Variants in ANK2 observed in about 807,000 individuals in gnomAD.
The protein encoded by ANK2 is ankyrin-2.
In ANK2, 83 loss-of-function variants were observed where a neutral mutation model predicts 360.5. The ratio of observed to expected loss-of-function variants is 0.23; its 90% CI spans 0.19 to 0.28. ANK2 has a LOEUF of 0.28. ANK2 is among the 10% of genes least tolerant of loss of function. The pLI, the probability that ANK2 is intolerant of heterozygous loss-of-function variation, is 1.00. For missense variants in ANK2, 4,201 were observed against 4,795.7 expected, an observed-to-expected ratio of 0.88 and a Z score of 3.66; for synonymous variants, 1,740 against 1,759.5, an observed-to-expected ratio of 0.99 and a Z score of 0.28.
At chr4:112,876,395 AG>A (rs2075115914) in intron 1 of ANK2, among the ~76,000 whole-genome samples, 1 of 152,172 alleles carries the variant, frequency 6.6e-6, no homozygotes, top group Admixed American at 6.5e-5. Flanking sequence ...CACTCAAAAT[AG>A]GATAAATTAG....
intron 1 of ANK2, among the ~76,000 whole-genome samples, chr4:113,151,399 C>T (rs772705685): frequency 2.6e-5 from 4 of 152,082 alleles, no homozygotes; most frequent in Non-Finnish European, 4.4e-5. Context: ...CTTCCACTCA[C>T]GGAGGAAAGG....
chr4:112,908,758 G>A (rs1362343461), intron 2 of ANK2, among the ~76,000 whole-genome samples: 2 of 152,202 alleles, frequency 1.3e-5, no homozygotes, highest in African/African-American at 4.8e-5. Flanking sequence ...TCCTGACTTT[G>A]TAAGTCTGGC....
intron 34 of ANK2, among the ~76,000 whole-genome samples, chr4:113,343,783 T>C (rs1394078181): frequency 1.3e-5 from 2 of 152,032 alleles, no homozygotes; most frequent in African/African-American, 4.8e-5. Flanking sequence ...AAAAAGGAGG[T>C]AATAATTCTA....
chr4:112,782,176 GC>G, the ANK2 span, among the ~76,000 whole-genome samples: 1 of 152,080 alleles, frequency 6.6e-6, no homozygotes, highest in African/African-American at 2.4e-5. Flanking sequence ...ATATTGAAAT[GC>G]TTACTGATAA....
intron 2 of ANK2, among the ~76,000 whole-genome samples, chr4:112,937,437 C>T (rs568452316): frequency 6.6e-6 from 1 of 151,680 alleles, no homozygotes; most frequent in Non-Finnish European, 1.5e-5. Context: ...AAGTGATTCT[C>T]ATGCTTCAGC....
intron 4 of ANK2, among the ~76,000 whole-genome samples, chr4:113,224,876 G>GT (rs11325379): frequency 0.01 from 1,382 of 133,214 alleles, 11 homozygotes; most frequent in African/African-American, 0.014. Context: ...GATCTTTGAA[G>GT]TTTTTTTTTT....
At chr4:113,192,502 A>T (rs1448740856) in intron 2 of ANK2, among the ~76,000 whole-genome samples, 2 of 152,182 alleles carry the variant, frequency 1.3e-5, no homozygotes, top group African/African-American at 4.8e-5. Context: ...TGACCCGTTT[A>T]TGCATCGTGA....
intron 2 of ANK2, among the ~76,000 whole-genome samples, chr4:113,002,741 G>A (rs1554046362): frequency 6.6e-6 from 1 of 152,204 alleles, no homozygotes; most frequent in Non-Finnish European, 1.5e-5. Flanking sequence ...TACCTATGGA[G>A]ATAAAGTCCA....
chr4:113,324,594 T>C (rs1216929274), intron 26 of ANK2, among the ~76,000 whole-genome samples: 1 of 152,196 alleles, frequency 6.6e-6, no homozygotes, highest in Admixed American at 6.6e-5. Context: ...AATTGTTTGG[T>C]GATTTTAAAA....
At chr4:112,889,566 T>G (rs942775363) in intron 1 of ANK2, among the ~76,000 whole-genome samples, 2 of 146,656 alleles carry the variant, frequency 1.4e-5, no homozygotes, top group Admixed American at 1.3e-4. Context: ...TCCTTGTTCT[T>G]TTTTTTTTGA....
chr4:113,335,685 T>G (rs1371535820), intron 29 of ANK2, among the ~76,000 whole-genome samples, 161 bp from the exon 30 acceptor site: 7 of 152,226 alleles, frequency 4.6e-5, no homozygotes, highest in Non-Finnish European at 1.0e-4. Flanking sequence ...TTTTCTGGTG[T>G]TGTTAGGATA....
At chr4:113,321,117 T>C (rs930639954) in intron 26 of ANK2, among the ~76,000 whole-genome samples, 2 of 152,224 alleles carry the variant, frequency 1.3e-5, no homozygotes, top group African/African-American at 2.4e-5. Context: ...GTATGTGACA[T>C]CAGGCACAGT....
chr4:112,957,117 A>C (rs1352702849), intron 2 of ANK2, among the ~76,000 whole-genome samples: 2 of 150,458 alleles, frequency 1.3e-5, no homozygotes, highest in Non-Finnish European at 3.0e-5. Flanking sequence ...GCAGATAAAC[A>C]AGTGAACAAA....
chr4:113,351,161 T>C (rs972474641), intron 37 of ANK2, among the ~76,000 whole-genome samples: 2 of 152,184 alleles, frequency 1.3e-5, no homozygotes, highest in Non-Finnish European at 2.9e-5. Context: ...AAAAATCTGA[T>C]TTTTAAAGTT....
At chr4:112,723,239 G>A in the ANK2 span, among the ~76,000 whole-genome samples, 2 of 152,190 alleles carry the variant, frequency 1.3e-5, no homozygotes, top group Non-Finnish European at 2.9e-5. Context: ...TGGAAGGGAG[G>A]AAAAGTAGTT....
Position 113,356,188 on chromosome 4 carries a change from C to G in ANK2, c.7570C>G (p.Gln2524Glu). ...CAGTGCTGAGGATGACAGTCTTGAG[C>G]AGACATCGCTCATGGAGAGCTCAGG... ...DGSAEDDSLE[Q>E]TSLMESSGKS... is the part of the protein sequence containing the mutation. The change falls in exon 38 of 46, where the codon CAG (glutamine) becomes GAG (glutamate). Residue 2524 changes from glutamine (Q) to glutamate (E), a missense_variant. By Grantham distance (29) the Gln-to-Glu change is conservative. This residue lies in a region of ANK2 where 2,642 missense variants were observed against 2,714.5 expected (regional missense o/e 0.97). Transcript: ENST00000357077. The G allele has an allele frequency of 6.2e-7, 1 of 1,613,994 alleles. No individual in the cohort carries two copies. Among genetic ancestry groups the G allele is most frequent in the Non-Finnish European group, 8.5e-7 (1 of 1,179,978 alleles).
chr4:113,339,178 A>G (rs780421630), intron 31 of ANK2, 48 bp from the exon 32 acceptor site: 10 of 1,455,594 alleles, frequency 6.9e-6, no homozygotes, highest in South Asian at 3.4e-5. Context: ...TTTAGAATCT[A>G]GAGTCTGGAG....
chr4:112,717,693 A>G, the ANK2 span, among the ~76,000 whole-genome samples: 1 of 152,196 alleles, frequency 6.6e-6, no homozygotes, highest in Non-Finnish European at 1.5e-5. Flanking sequence ...CTTTAGTGCT[A>G]TTACCTATCC....
the ANK2 span, among the ~76,000 whole-genome samples, chr4:112,713,733 C>T: frequency 6.6e-6 from 1 of 151,600 alleles, no homozygotes; most frequent in African/African-American, 2.4e-5. Context: ...AGATCGAGAC[C>T]ATCCTGGCTA....
Sources: allele counts gnomAD v4.1 joint callset (sites outside exome capture counted in the v4.1 genomes callset), GRCh38; gene constraint gnomAD v4.1.1; regional missense constraint gnomAD v4.1.1; transcripts MANE v1.5; gene names NCBI Gene and HGNC (gene_info 2026-07-23, HGNC 2026-07-21).